Variants in BCL7C observed in about 807,000 individuals in gnomAD.
BCL7C encodes BAF chromatin remodeling complex subunit BCL7C, also known as B-cell CLL/lymphoma 7 protein family member C.
BCL7C carries 8 observed loss-of-function variants against 26.2 expected under a neutral mutation model. That is an observed-to-expected ratio of 0.30 (90% confidence interval 0.18 to 0.55). BCL7C has a LOEUF of 0.55. BCL7C is among the 20% of genes least tolerant of loss of function. The pLI is 0.93. For missense variants in BCL7C, 262 were observed against 298.5 expected, an observed-to-expected ratio of 0.88 and a Z score of 0.90; for synonymous variants, 90 against 116.5, an observed-to-expected ratio of 0.77 and a Z score of 1.47.
rs2055289987 is a variant in BCL7C, at chr16:30,893,428, T to C, written c.93-138A>G. ...AACAGTTTTGCTAATGGGGCATAGT[T>C]ACATGGAGGAAGAGAGTCCTGCAAA... On this transcript the variant is annotated intron_variant, in intron 1 of 5. Coordinates refer to ENST00000215115, the MANE Select transcript of BCL7C (RefSeq NM_004765.4). The surrounding 1 kb of genome is among the most constrained non-coding windows in gnomAD (Gnocchi z 5.2). 1.6e-6 allele frequency: 1 copy of C among 638,916 alleles called. No individual in the cohort carries two copies. The highest frequency in any genetic ancestry group is 1.8e-5 in the African/African-American group (1 of 54,710). 39.6% of individuals were successfully genotyped at this position (638,916 alleles called of 1,614,324 possible).
chr16:30,889,483 T>C (rs1273105411), intron 4 of BCL7C, among the ~76,000 whole-genome samples: 2 of 152,090 alleles, frequency 1.3e-5, no homozygotes, highest in Non-Finnish European at 2.9e-5. Context: ...GTTTTCTTTT[T>C]GTGTGTTTGT....
intron 5 of BCL7C, among the ~76,000 whole-genome samples, chr16:30,835,774 A>G (rs1040056354): frequency 1.3e-5 from 2 of 151,920 alleles, no homozygotes; most frequent in African/African-American, 4.8e-5. Flanking sequence ...TGAACCCGGT[A>G]GACAGAGGTT....
chr16:30,885,747 C>G (rs2055123241), downstream of BCL7C, among the ~76,000 whole-genome samples: 1 of 152,150 alleles, frequency 6.6e-6, no homozygotes, highest in Non-Finnish European at 1.5e-5. Flanking sequence ...CAATTTGTTA[C>G]AGCAGTGATA....
Position 30,892,652 on chromosome 16 carries a change from A to C in BCL7C, c.376T>G (p.Ser126Ala). ...ACCCCTTCTGGGGGTCCGGCAGGTG[A>C]CACAGGGCGGCTGGGCTGGGGGGTG... ...GGTPQPSRPV[S>A]PAGPPEGVPE... is the part of the protein sequence containing the mutation. The change falls in exon 4 of 6, where the codon TCA (serine) becomes GCA (alanine). Residue 126 changes from serine (S) to alanine (A), a missense_variant. Coordinates refer to ENST00000215115, the MANE Select transcript of BCL7C (RefSeq NM_004765.4). The C allele has an allele frequency of 6.2e-7, 1 of 1,613,232 alleles. No individual in the cohort carries two copies. The highest frequency in any genetic ancestry group is 8.5e-7 in the Non-Finnish European group (1 of 1,179,668).
chr16:30,885,084 CTG>C (rs1185873027), downstream of BCL7C, among the ~76,000 whole-genome samples: 2 of 152,210 alleles, frequency 1.3e-5, no homozygotes, highest in African/African-American at 4.8e-5. Context: ...TCCCCAGAAT[CTG>C]TGCATGTGTT....
At chr16:30,870,522 C>T (rs537078449) in intron 5 of BCL7C, among the ~76,000 whole-genome samples, 5 of 151,592 alleles carry the variant, frequency 3.3e-5, no homozygotes, top group East Asian at 1.9e-4. Flanking sequence ...AAAAATTAGC[C>T]GGGTGGGCTG....
chr16:30,884,236 G>A (rs555567108), downstream of BCL7C, among the ~76,000 whole-genome samples: 5 of 151,912 alleles, frequency 3.3e-5, no homozygotes, highest in African/African-American at 4.8e-5. Flanking sequence ...TCAAGAATGG[G>A]GGAGACTCAA....
chr16:30,840,362 C>A (rs1163068223), intron 5 of BCL7C, among the ~76,000 whole-genome samples: 1 of 151,996 alleles, frequency 6.6e-6, no homozygotes, highest in African/African-American at 2.4e-5. Flanking sequence ...GGATTACAGG[C>A]ACATGCCACC....
chr16:30,870,494 G>A (rs975425060), intron 5 of BCL7C, among the ~76,000 whole-genome samples: 2 of 151,580 alleles, frequency 1.3e-5, no homozygotes, highest in African/African-American at 4.8e-5. Context: ...GTGAGACCCC[G>A]TCTTTACAAA....
intron 5 of BCL7C, 117 bp downstream of exon 5, chr16:30,888,743 C>G: frequency 1.1e-6 from 1 of 904,744 alleles, no homozygotes; most frequent in South Asian, 1.6e-5. Context: ...AAGCCTTCAG[C>G]TCTGTCCCAG....
chr16:30,839,497 A>T (rs1042844213), intron 5 of BCL7C, among the ~76,000 whole-genome samples: 2 of 152,224 alleles, frequency 1.3e-5, no homozygotes, highest in Non-Finnish European at 2.9e-5. Flanking sequence ...GGATACCGAG[A>T]TTATCACCTA....
chr16:30,868,343 T>TAGTAG (rs2143021880), intron 5 of BCL7C, among the ~76,000 whole-genome samples: 2 of 149,280 alleles, frequency 1.3e-5, no homozygotes, highest in South Asian at 4.3e-4. Flanking sequence ...TTCACCATGT[T>TAGTAG]AGCCAGGATG....
Position 30,857,076 on chromosome 16 carries a change from T to G in BCL7C, c.529-21928A>C, listed in dbSNP as rs181593568. ...ATGGCTGTTAGTAAAGGAAAAGTCC[T>G]GAGTCAGGTCAAATAAAGATAAACC... On this transcript the variant is annotated intron_variant, in intron 5 of 5. Coordinates refer to the BCL7C transcript ENST00000380317. 3.8e-4 allele frequency among the ~76,000 whole-genome samples: 58 copies of G among 152,294 alleles called. 1 individual carries two copies. Among genetic ancestry groups the G allele is most frequent in the African/African-American group, 1.3e-3 (56 of 41,576 alleles).
intron 5 of BCL7C, among the ~76,000 whole-genome samples, chr16:30,855,930 C>T (rs536851912): frequency 6.6e-6 from 1 of 151,674 alleles, no homozygotes; most frequent in East Asian, 2.0e-4. Flanking sequence ...TGTGGTGGTG[C>T]AGGCGCCTGT....
chr16:30,889,635 T>A (rs2055193680), intron 4 of BCL7C, among the ~76,000 whole-genome samples: 1 of 152,100 alleles, frequency 6.6e-6, no homozygotes, highest in African/African-American at 2.4e-5. Context: ...ATTACAGGCA[T>A]GTGCCACCAC....
At position 30,889,011 on chromosome 16, in the gene BCL7C, G is replaced by A. The variant is rs146577588; in HGVS notation, c.443-66C>T. ...CTGTGCCAGCAGCACAGACAGTGGGGGAAACAGATGGTCACAGGCCCCAGT... is the reference window on the plus strand; with the variant it reads ...CTGTGCCAGCAGCACAGACAGTGGGAGAAACAGATGGTCACAGGCCCCAGT... On this transcript the variant is annotated intron_variant, in intron 4 of 5. Coordinates refer to ENST00000215115, the MANE Select transcript of BCL7C (RefSeq NM_004765.4). 772 of 1,469,458 alleles carry A rather than the reference G, an allele frequency of 5.3e-4. 5 individuals are homozygous for A. In the African/African-American group the frequency reaches 9.4e-3, roughly 18 times the overall value. 91.0% of individuals were successfully genotyped at this position (1,469,458 alleles called of 1,614,324 possible). A position where few individuals can be genotyped will look rare whatever the true frequency, so the allele number is the denominator to read the frequency against.
At chr16:30,879,711 T>TAAAAAAAAAAAAAAAAAAAAAAAAAAA (rs1596612477) in intron 5 of BCL7C, among the ~76,000 whole-genome samples, 2 of 17,168 alleles carry the variant, frequency 1.2e-4, no homozygotes, top group Admixed American at 6.9e-4. Context: ...AAAAAAAAAC[T>TAAAAAAAAAAAAAAAAAAAAAAAAAAA]GGGCACGGTG....
At chr16:30,877,586 CCCG>C (rs2054968967) in intron 5 of BCL7C, among the ~76,000 whole-genome samples, 3 of 151,906 alleles carry the variant, frequency 2.0e-5, no homozygotes, top group African/African-American at 7.3e-5. Context: ...ACTACAGGCA[CCCG>C]CCACCGCGCC....
At chr16:30,884,043 T>C (rs1596617152), downstream of BCL7C, among the ~76,000 whole-genome samples, 1 of 148,850 alleles carries the variant, frequency 6.7e-6, no homozygotes, top group African/African-American at 2.5e-5. Context: ...GAGAATGGCG[T>C]GAACCTGGGA....
Sources: allele counts gnomAD v4.1 joint callset (sites outside exome capture counted in the v4.1 genomes callset), GRCh38; gene constraint gnomAD v4.1.1; non-coding constraint Gnocchi (gnomAD v3.1); transcripts MANE v1.5; gene names NCBI Gene and HGNC (gene_info 2026-07-23, HGNC 2026-07-21).